TNFRSF19: variants seen among roughly 807,000 people sequenced by gnomAD.
TNFRSF19 encodes tumor necrosis factor receptor superfamily member 19.
A neutral mutation model predicts 46.4 loss-of-function variants in TNFRSF19; 27 were observed. The observed-to-expected ratio is 0.58, with a 90% confidence interval of 0.43 to 0.80. The LOEUF (loss-of-function observed/expected upper bound fraction) is 0.80. TNFRSF19 is among the 30% of genes least tolerant of loss of function. The pLI is 0.00. For missense variants in TNFRSF19, 511 were observed against 530.8 expected, an observed-to-expected ratio of 0.96 and a Z score of 0.37; for synonymous variants, 204 against 205.0, an observed-to-expected ratio of 1.00 and a Z score of 0.04.
At position 23,675,745 on chromosome 13, in the gene TNFRSF19, T is replaced by G. The variant is rs1951821109; in HGVS notation, c.*2365T>G. ...CGTGTGGCTGAATGGGCATAACCAC[T>G]GTGGCTTCTTGTGCTGCAGAAGCTC... On this transcript the variant is annotated 3_prime_UTR_variant, in exon 10 of 10. Transcript: ENST00000248484. 1 of 152,246 alleles carries G rather than the reference T, an allele frequency of 6.6e-6. No individual in the cohort carries two copies. The allele number at this position is 152,246 out of a possible 1,614,324, so 9.4% of individuals were successfully genotyped here.
intron 5 of TNFRSF19, among the ~76,000 whole-genome samples, chr13:23,651,839 TC>T (rs1883657001): frequency 8.3e-6 from 1 of 120,366 alleles, no homozygotes; most frequent in South Asian, 2.8e-4. Context: ...CACACTATAG[TC>T]TTTTTTTTTT....
rs77994448 is a variant in TNFRSF19 at position 23,574,296 on chromosome 13, T to C, written c.-35+3448T>C. ...TCAATATCAAGTACTTGTGCAAGGA[T>C]AAATAACATGTGCAAGATTATAGGA... On this transcript the variant is annotated intron_variant, in intron 1 of 9. Transcript: ENST00000248484. Among the ~76,000 whole-genome samples the C allele has an allele frequency of 9.8e-3, 1,488 of 152,194 alleles. 37 individuals carry two copies. The highest frequency in any genetic ancestry group is 0.09 in the East Asian group (463 of 5,168).
intron 5 of TNFRSF19, among the ~76,000 whole-genome samples, chr13:23,631,362 T>G (rs1164784256): frequency 6.6e-6 from 1 of 152,218 alleles, no homozygotes; most frequent in Non-Finnish European, 1.5e-5. Context: ...TGAGCATAAT[T>G]ACACTGTACA....
intron 1 of TNFRSF19, among the ~76,000 whole-genome samples, chr13:23,573,456 G>A (rs538978379): frequency 1.3e-4 from 19 of 147,760 alleles, no homozygotes; most frequent in Admixed American, 7.5e-4. Flanking sequence ...ATGTGATGTG[G>A]AATTATATAT....
At chr13:23,667,834 GA>G (rs960017245) in intron 7 of TNFRSF19, 145 bp from the exon 8 acceptor site, 10 of 623,648 alleles carry the variant, frequency 1.6e-5, no homozygotes, top group African/African-American at 7.6e-5. Flanking sequence ...TTTAAGATAA[GA>G]AAAAAAGAGA....
At chr13:23,662,772 G>A (rs1319468770) in intron 7 of TNFRSF19, among the ~76,000 whole-genome samples, 1 of 152,044 alleles carries the variant, frequency 6.6e-6, no homozygotes, top group Admixed American at 6.6e-5. Flanking sequence ...TATTCTTTTT[G>A]TGGCAATTGT....
chr13:23,611,496 A>C (rs1880908008), intron 3 of TNFRSF19, among the ~76,000 whole-genome samples: 1 of 152,120 alleles, frequency 6.6e-6, no homozygotes, highest in Admixed American at 6.5e-5. Flanking sequence ...CTGAGAAGAT[A>C]CTGAGCATGG....
intron 5 of TNFRSF19, among the ~76,000 whole-genome samples, chr13:23,652,146 G>A (rs1261593555): frequency 6.6e-6 from 1 of 152,122 alleles, no homozygotes; most frequent in African/African-American, 2.4e-5. Context: ...GCTAACTTTT[G>A]TACAAAAGAC....
intron 1 of TNFRSF19, among the ~76,000 whole-genome samples, chr13:23,577,768 CAAGGCTGGAA>C (rs1878062235): frequency 1.3e-5 from 2 of 152,118 alleles, no homozygotes; most frequent in Non-Finnish European, 2.9e-5. Flanking sequence ...AGAGGCGAGG[CAAGGCTGGAA>C]ATAGGTGTAG....
chr13:23,656,979 A>T (rs193297550), intron 5 of TNFRSF19, among the ~76,000 whole-genome samples: 1 of 152,042 alleles, frequency 6.6e-6, no homozygotes, highest in Admixed American at 6.5e-5. Flanking sequence ...AATTTTTTTT[A>T]GCTTGCTGTA....
chr13:23,643,148 G>A (rs1883123720), intron 5 of TNFRSF19, among the ~76,000 whole-genome samples: 1 of 152,222 alleles, frequency 6.6e-6, no homozygotes, highest in South Asian at 2.1e-4. Context: ...TCTGAGAGGA[G>A]ATTTAAAGCC....
intron 3 of TNFRSF19, among the ~76,000 whole-genome samples, chr13:23,598,948 G>A (rs967570962): frequency 2.6e-5 from 4 of 152,316 alleles, no homozygotes; most frequent in East Asian, 1.9e-4. Context: ...GTTGAGTCTT[G>A]TCATTCATAG....
At chr13:23,593,255 G>A in intron 2 of TNFRSF19, 90 bp from the exon 3 acceptor site, 1 of 681,896 alleles carries the variant, frequency 1.5e-6, no homozygotes, top group Non-Finnish European at 2.5e-6. Context: ...CAGTGATTGT[G>A]TGACTAATAT....
intron 3 of TNFRSF19, chr13:23,594,207 G>GTT: frequency 4.5e-6 from 2 of 443,768 alleles, no homozygotes; most frequent in Non-Finnish European, 4.5e-6. Flanking sequence ...AGCTGCAGGA[G>GTT]TTTTTTTTTC....
chr13:23,645,539 T>A (rs1176703163), intron 5 of TNFRSF19, among the ~76,000 whole-genome samples: 5 of 152,208 alleles, frequency 3.3e-5, no homozygotes, highest in Admixed American at 6.5e-5. Context: ...GAAGAATTCA[T>A]CCCGCAAAGC....
intron 5 of TNFRSF19, among the ~76,000 whole-genome samples, chr13:23,654,731 C>G (rs938823067): frequency 2.0e-5 from 3 of 152,202 alleles, no homozygotes; most frequent in African/African-American, 7.2e-5. Context: ...CTCAGAAGGC[C>G]TGAATCCAGT....
Position 23,639,437 on chromosome 13 carries a change from C to T in TNFRSF19, c.445+12645C>T, listed in dbSNP as rs74975827. On this transcript the variant is annotated intron_variant, in intron 5 of 9. Transcript: ENST00000248484. ...ATTTAAATTCATATAGCCCCCGTAGCAGGTGTCCTTGGGGACACCAATTCA... is the reference window on the plus strand; with the variant it reads ...ATTTAAATTCATATAGCCCCCGTAGTAGGTGTCCTTGGGGACACCAATTCA... 7.4e-3 allele frequency among the ~76,000 whole-genome samples: 1,126 copies of T among 152,316 alleles called. 11 individuals are homozygous for T. The highest frequency in any genetic ancestry group is 0.024 in the African/African-American group (1,018 of 41,574).
chr13:23,659,214 T>G lies in TNFRSF19; in HGVS notation c.610T>G (p.Trp204Gly). The G allele has an allele frequency of 6.2e-7, 1 of 1,606,640 alleles. No individual in the cohort carries two copies. Among genetic ancestry groups the G allele is most frequent in the Non-Finnish European group, 8.5e-7 (1 of 1,174,764 alleles). The change falls in exon 6 of 10, where the codon TGG becomes GGG. Residue 204 changes from tryptophan (W) to glycine (G), a missense_variant and splice_region_variant. This residue lies in a region of TNFRSF19 where 376 missense variants were observed against 372.7 expected (regional missense o/e 1.01). Transcript: ENST00000248484. The surrounding 1 kb of genome is among the most constrained non-coding windows in gnomAD (Gnocchi z 4.9). ...KRQFMEKKPSWSLRSQDIQYN... is the reference protein window; with the variant it reads ...KRQFMEKKPSGSLRSQDIQYN... ...ACAGTTTATGGAGAAGAAACCCAGC[T>G]GTAAGTTTTGAGCTCATTACATTTC...
chr13:23,623,029 A>G (rs1881773207), intron 4 of TNFRSF19, among the ~76,000 whole-genome samples: 1 of 152,208 alleles, frequency 6.6e-6, no homozygotes, highest in African/African-American at 2.4e-5. Flanking sequence ...AGAGTTAAGT[A>G]TATTCACATT....
Sources: gnomAD v4.1 joint callset for allele counts (sites outside exome capture counted in the v4.1 genomes callset) on GRCh38, gnomAD v4.1.1 for gene constraint, gnomAD v4.1.1 regional missense constraint, Gnocchi (gnomAD v3.1) non-coding constraint, MANE v1.5 for transcripts, NCBI Gene and HGNC (gene_info 2026-07-23, HGNC 2026-07-21) for gene names.